LCTL: variants seen among roughly 807,000 people sequenced by gnomAD.
LCTL encodes the protein lactase-like protein.
A neutral mutation model predicts 75.8 loss-of-function variants in LCTL; 76 were observed. That is an observed-to-expected ratio of 1.00 (90% CI 0.83 to 1.21). LCTL has a LOEUF of 1.21. Ranked by LOEUF, LCTL falls within the 50% of genes most tolerant of loss-of-function variation. LCTL has a pLI of 0.00. For synonymous variants in LCTL, 271 were observed against 268.8 expected, an observed-to-expected ratio of 1.01 and a Z score of -0.08; for missense variants, 670 against 712.4, an observed-to-expected ratio of 0.94 and a Z score of 0.68.
upstream of LCTL, chr15:66,565,770 G>A: frequency 5.4e-6 from 1 of 186,672 alleles, no homozygotes; most frequent in Non-Finnish European, 1.1e-5. Flanking sequence ...CCAAGCCGGG[G>A]TTGCCCATCC....
At chr15:66,552,055 C>T in exon 10 of LCTL, 1 of 1,610,042 alleles carries the variant, frequency 6.2e-7, no homozygotes, top group Non-Finnish European at 8.5e-7. Context: ...TTTAGCATTT[C>T]ATTTATGTAT....
chr15:66,551,466 G>C (rs946948847), intron 11 of LCTL, among the ~76,000 whole-genome samples, 196 bp downstream of exon 12: 11 of 151,084 alleles, frequency 7.3e-5, no homozygotes, highest in African/African-American at 9.7e-5. Flanking sequence ...ACCTCTGGTA[G>C]TGCCCTTAGA....
intron 8 of LCTL, among the ~76,000 whole-genome samples, chr15:66,555,819 C>G (rs187117204): frequency 5.3e-5 from 8 of 152,256 alleles, no homozygotes; most frequent in African/African-American, 1.7e-4. Flanking sequence ...CAAAACTCAA[C>G]AACAAAAACA....
At chr15:66,551,536 C>T (rs1048844802) in intron 11 of LCTL, 126 bp downstream of exon 12, 3 of 714,974 alleles carry the variant, frequency 4.2e-6, no homozygotes, top group South Asian at 1.8e-5. Context: ...AAATAAAGGG[C>T]CATGCCGCAT....
At chr15:66,558,370 A>C (rs757798540) in intron 6 of LCTL, among the ~76,000 whole-genome samples, 18 of 152,216 alleles carry the variant, frequency 1.2e-4, no homozygotes, top group Non-Finnish European at 2.2e-4. Context: ...ATTTAGGAAA[A>C]TACCAAGTGT....
chr15:66,560,258 A>G (rs1895853923), intron 6 of LCTL, among the ~76,000 whole-genome samples: 1 of 152,158 alleles, frequency 6.6e-6, no homozygotes, highest in Non-Finnish European at 1.5e-5. Context: ...ACCTTCCGCT[A>G]AGTGTCCTTT....
At chr15:66,561,101 C>A (rs761625664) in exon 6 of LCTL, 6 of 1,614,042 alleles carry the variant, frequency 3.7e-6, no homozygotes, top group Non-Finnish European at 5.1e-6. Flanking sequence ...TCTGCCATTG[C>A]CTATAGGGAC....
intron 3 of LCTL, 130 bp from the exon 5 acceptor site, chr15:66,563,755 G>T: frequency 1.2e-6 from 1 of 846,676 alleles, no homozygotes; most frequent in Non-Finnish European, 1.9e-6. Flanking sequence ...CCAGCATTCT[G>T]GGAGCCCAGT....
At chr15:66,560,416 C>G (rs1222705315) in intron 6 of LCTL, among the ~76,000 whole-genome samples, 1 of 152,082 alleles carries the variant, frequency 6.6e-6, no homozygotes, top group Non-Finnish European at 1.5e-5. Context: ...TCCGAATGGC[C>G]CCTTTACTCT....
chr15:66,557,113 A>C (rs982486323), intron 8 of LCTL, among the ~76,000 whole-genome samples: 1 of 152,138 alleles, frequency 6.6e-6, no homozygotes, highest in African/African-American at 2.4e-5. Flanking sequence ...CAGAGTGGAA[A>C]GATGGAATGA....
intron 6 of LCTL, among the ~76,000 whole-genome samples, chr15:66,559,970 C>G (rs1473575848): frequency 6.6e-6 from 1 of 151,762 alleles, no homozygotes; most frequent in Non-Finnish European, 1.5e-5. Context: ...GCCTGTAGTC[C>G]CAGCTACTTG....
chr15:66,561,319 T>G lies in LCTL; in HGVS notation c.481-4A>C. On this transcript the variant is annotated splice_polypyrimidine_tract_variant and splice_region_variant and intron_variant, in intron 4 of 12. Transcript: ENST00000341509. ...CACCGTATTTGACCTGGAGCAGCTG[T>G]GAACACAGAGAAGCAGATGCCCCAT... 6.2e-7 allele frequency: 1 copy of G among 1,614,204 alleles called. No individual in the cohort carries two copies. The highest frequency in any genetic ancestry group is 8.5e-7 in the Non-Finnish European group (1 of 1,180,026).
chr15:66,551,345 C>CAAAAAA (rs67322943), intron 11 of LCTL, among the ~76,000 whole-genome samples: 2 of 50,532 alleles, frequency 4.0e-5, no homozygotes, highest in African/African-American at 7.6e-5. Context: ...GATTCTGTCT[C>CAAAAAA]AAAAAAAAAA....
At chr15:66,549,819 GAATGGATAA>G (rs574211911) in intron 12 of LCTL, 207 of 379,850 alleles carry the variant, frequency 5.4e-4, no homozygotes, top group Middle Eastern at 2.2e-3. Context: ...AATAAAACTT[GAATGGATAA>G]AATGGATAAA....
At chr15:66,558,371 T>C (rs1895792854) in intron 6 of LCTL, among the ~76,000 whole-genome samples, 1 of 152,168 alleles carries the variant, frequency 6.6e-6, no homozygotes, top group Middle Eastern at 3.2e-3. Context: ...TTTAGGAAAA[T>C]ACCAAGTGTC....
At chr15:66,548,286 T>C (rs1461063004) in exon 13 of LCTL, 1 of 376,500 alleles carries the variant, frequency 2.7e-6, no homozygotes, top group Admixed American at 4.0e-5. Context: ...TTAGGAGGGG[T>C]GAGATTACAA....
upstream of LCTL, chr15:66,565,576 A>G (rs1477603885): frequency 1.1e-5 from 6 of 533,218 alleles, no homozygotes; most frequent in Non-Finnish European, 2.0e-5. Context: ...GATGGGCAAG[A>G]CTCCAAACTA....
chr15:66,552,285 A>G, intron 9 of LCTL, 116 bp from the exon 11 acceptor site: 2 of 790,274 alleles, frequency 2.5e-6, no homozygotes, highest in Non-Finnish European at 4.0e-6. Flanking sequence ...AATCAAGTGT[A>G]TTTTGGCATT....
chr15:66,550,713 A>G (rs1387460740), intron 11 of LCTL, among the ~76,000 whole-genome samples: 1 of 152,062 alleles, frequency 6.6e-6, no homozygotes, highest in Non-Finnish European at 1.5e-5. Flanking sequence ...ACTTGGCCCC[A>G]AGCAGTCCTC....
Sources: gnomAD v4.1 joint callset for allele counts (sites outside exome capture counted in the v4.1 genomes callset) on GRCh38, gnomAD v4.1.1 for gene constraint, MANE v1.5 for transcripts, NCBI Gene and HGNC (gene_info 2026-07-23, HGNC 2026-07-21) for gene names.